The following ATP6V0A4 variants were observed in gnomAD, a reference collection of about 807,000 sequenced individuals.
ATP6V0A4 encodes the protein V-type proton ATPase 116 kDa subunit a 4.
A neutral mutation model predicts 107.3 loss-of-function variants in ATP6V0A4; 86 were observed. That is an observed-to-expected ratio of 0.80 (90% CI 0.67 to 0.96). ATP6V0A4 has a LOEUF of 0.96. ATP6V0A4 is among the 40% of genes least tolerant of loss of function. ATP6V0A4 has a pLI of 0.00. For synonymous variants in ATP6V0A4, 353 were observed against 381.4 expected (o/e 0.93, Z 0.87); for missense variants, 908 against 1,045.6 (o/e 0.87, Z 1.81).
Position 138,709,546 on chromosome 7 carries a change from T to C in ATP6V0A4, c.2429+78A>G, listed in dbSNP as rs557543992. On this transcript the variant is annotated intron_variant, in intron 21 of 21. Coordinates refer to ENST00000310018, the MANE Select transcript of ATP6V0A4 (RefSeq NM_020632.3). ...CTAAAGTCACATACAGCTCACGATC[T>C]GAACCCAGTCGGCTGGCCCCACAGC... The C allele has an allele frequency of 5.7e-6, 8 of 1,408,114 alleles. No individual in the cohort carries two copies. In the East Asian group the frequency reaches 1.6e-4, roughly 28 times the overall value. The allele number at this position is 1,408,114 out of a possible 1,614,324, so 87.2% of individuals were successfully genotyped here. A position where few individuals can be genotyped will look rare whatever the true frequency, so the allele number is the denominator to read the frequency against.
chr7:138,760,055 A>C, intron 7 of ATP6V0A4, 177 bp from the exon 8 acceptor site: 2 of 570,678 alleles, frequency 3.5e-6, no homozygotes, highest in Non-Finnish European at 4.4e-6. Context: ...TCCAGCCCTG[A>C]CTTGCCCCAA....
At chr7:138,730,801 TGGG>T (rs1804963857) in intron 17 of ATP6V0A4, among the ~76,000 whole-genome samples, 1 of 152,184 alleles carries the variant, frequency 6.6e-6, no homozygotes, top group African/African-American at 2.4e-5. Flanking sequence ...GTCAACATTC[TGGG>T]GATGGCTCAT....
chr7:138,711,558 C>T (rs3778702), intron 20 of ATP6V0A4, among the ~76,000 whole-genome samples: 18 of 152,152 alleles, frequency 1.2e-4, no homozygotes, highest in Admixed American at 9.2e-4. Context: ...ACATGATAAA[C>T]GCAGAGACAT....
chr7:138,716,572 T>C (rs1804045968), intron 19 of ATP6V0A4, among the ~76,000 whole-genome samples: 1 of 128,796 alleles, frequency 7.8e-6, no homozygotes, highest in Non-Finnish European at 1.7e-5. Context: ...GACAATTTTT[T>C]TTTGGGGGGG....
At chr7:138,751,983 A>C (rs1806251600) in intron 11 of ATP6V0A4, among the ~76,000 whole-genome samples, 1 of 152,138 alleles carries the variant, frequency 6.6e-6, no homozygotes, top group Non-Finnish European at 1.5e-5. Flanking sequence ...CCTGCACTCC[A>C]GCCTGGGTGT....
In ATP6V0A4 at chr7:138,798,100, C is replaced by T; in HGVS notation, c.-187G>A. ...CTGCACCGGGCACTCAGCACAGCCT[C>T]CAGCATGCAGCGCCTCCCCGCTGCC... is the stretch of plus-strand genomic sequence containing the variant. On this transcript the variant is annotated 5_prime_UTR_variant, in exon 1 of 22. Coordinates refer to ENST00000310018, the MANE Select transcript of ATP6V0A4 (RefSeq NM_020632.3). 6.3e-7 allele frequency: 1 copy of T among 1,595,232 alleles called. No individual in the cohort carries two copies. Among genetic ancestry groups the T allele is most frequent in the South Asian group, 1.1e-5 (1 of 87,674 alleles).
rs1018607392 is a variant in ATP6V0A4, at chr7:138,792,057, C to A, written c.-120-5797G>T. ...GGTGTGGTGGCTCACGCCTGTAATCCCAGCACTTTGGGAGGCCGAGGTGGG... is the reference window on the plus strand; with the variant it reads ...GGTGTGGTGGCTCACGCCTGTAATCACAGCACTTTGGGAGGCCGAGGTGGG... On this transcript the variant is annotated intron_variant, in intron 1 of 21. Coordinates refer to ENST00000310018, the MANE Select transcript of ATP6V0A4 (RefSeq NM_020632.3). 3.7e-4 allele frequency among the ~76,000 whole-genome samples: 57 copies of A among 152,218 alleles called. 1 individual carries two copies. Among genetic ancestry groups the A allele is most frequent in the African/African-American group, 1.2e-3 (51 of 41,520 alleles).
intron 11 of ATP6V0A4, among the ~76,000 whole-genome samples, chr7:138,750,197 A>G (rs999515610): frequency 6.6e-6 from 1 of 151,952 alleles, no homozygotes; most frequent in Non-Finnish European, 1.5e-5. Flanking sequence ...ACGCTTCCCC[A>G]TGGAAACTGG....
chr7:138,756,446 A>G lies in ATP6V0A4; in HGVS notation c.722+12T>C. Reference sequence around the variant, plus strand: ...CAAATCACTGAAGAAAGAGCCATTCACTCCCTCTTACCCATCACAGATCTT... The same window carrying G: ...CAAATCACTGAAGAAAGAGCCATTCGCTCCCTCTTACCCATCACAGATCTT... On this transcript the variant is annotated intron_variant, in intron 9 of 21. Coordinates refer to ENST00000310018, the MANE Select transcript of ATP6V0A4 (RefSeq NM_020632.3). 6.2e-7 allele frequency: 1 copy of G among 1,612,896 alleles called. No homozygotes were observed.
At chr7:138,711,602 T>A (rs1170859319) in intron 20 of ATP6V0A4, among the ~76,000 whole-genome samples, 1 of 152,228 alleles carries the variant, frequency 6.6e-6, no homozygotes, top group African/African-American at 2.4e-5. Context: ...ATTTGCTTGC[T>A]GCCCCCCAAG....
At position 138,798,115 on chromosome 7, in the gene ATP6V0A4, T is replaced by TC. The variant is rs1469751534; in HGVS notation, c.-203dup. The TC allele has an allele frequency of 1.3e-6, 2 of 1,598,730 alleles. No individual in the cohort carries two copies. The highest frequency in any genetic ancestry group is 2.3e-5 in the South Asian group (2 of 88,078). ...AGCACAGCCTCCAGCATGCAGCGCC[T>TC]CCCCGCTGCCACCCGGGCCACCCTG... On this transcript the variant is annotated 5_prime_UTR_variant, in exon 1 of 22. Coordinates refer to ENST00000310018, the MANE Select transcript of ATP6V0A4 (RefSeq NM_020632.3).
In ATP6V0A4 at chr7:138,721,923, C is replaced by T. The variant is rs376273720; in HGVS notation, c.2113G>A (p.Gly705Arg). 35 of 1,614,012 alleles carry T rather than the reference C, an allele frequency of 2.2e-5. No homozygotes were observed. The highest frequency in any genetic ancestry group is 8.8e-5 in the South Asian group (8 of 91,084). ...TCTTCTCCATGGTCGTCCAGAGCCCCGTGGGTATCTGCAGAAGTCCTCTGG... is the reference window on the plus strand; with the variant it reads ...TCTTCTCCATGGTCGTCCAGAGCCCTGTGGGTATCTGCAGAAGTCCTCTGG... ...SGQRTSADTH[G>R]ALDDHGEEFN... is the part of the protein sequence containing the mutation. The change falls in exon 19 of 22, where the codon GGG (glycine) becomes AGG (arginine). Residue 705 changes from glycine to arginine, a missense_variant. Physicochemically the swap from Gly to Arg is moderately radical, Grantham distance 125 (BLOSUM62 -2). Transcript: ENST00000310018.
Position 138,745,658 on chromosome 7 carries a change from C to CAAAAAAAAAAA in ATP6V0A4, c.1321-389_1321-379dup, listed in dbSNP as rs566336992. Among the ~76,000 whole-genome samples, 16 of 42,726 alleles carry CAAAAAAAAAAA rather than the reference C, an allele frequency of 3.7e-4. 1 individual carries two copies. Among genetic ancestry groups the CAAAAAAAAAAA allele is most frequent in the Admixed American group, 1.2e-3 (4 of 3,314 alleles). 28.0% of individuals were successfully genotyped at this position (42,726 alleles called of 152,430 possible). ...CACCACTGCGCTCCAGCCTGTGTCT[C>CAAAAAAAAAAA]AAAAAAAAAAAAAGGCCGGGTGTGA... On this transcript the variant is annotated intron_variant, in intron 13 of 21. Coordinates refer to ENST00000310018, the MANE Select transcript of ATP6V0A4 (RefSeq NM_020632.3).
intron 2 of ATP6V0A4, chr7:138,779,943 A>T (rs181933454): frequency 6.4e-4 from 97 of 152,292 alleles, no homozygotes; most frequent in African/African-American, 2.3e-3. Flanking sequence ...ATGTGGTTGT[A>T]TCCAGTATTT....
At chr7:138,725,800 A>C (rs1804681912) in intron 18 of ATP6V0A4, among the ~76,000 whole-genome samples, 1 of 152,128 alleles carries the variant, frequency 6.6e-6, no homozygotes, top group South Asian at 2.1e-4. Flanking sequence ...GGCATGAGCC[A>C]CTGTGCCCGG....
chr7:138,747,482 A>T lies in ATP6V0A4; in HGVS notation c.1263T>A (p.Ala421=). The change falls in exon 13 of 22, where the codon GCT becomes GCA. Residue 421 remains alanine (A), a synonymous_variant. Transcript: ENST00000310018. ...DCGHGTVMLL[A]ALWMILNERR... Reference sequence around the variant, plus strand: ...TCTCATTCAGAATCATCCAAAGTGCAGCCAGGAGCATCACGGTTCCATGAC... The same window carrying T: ...TCTCATTCAGAATCATCCAAAGTGCTGCCAGGAGCATCACGGTTCCATGAC... 1 of 1,614,154 alleles carries T rather than the reference A, an allele frequency of 6.2e-7. No homozygotes were observed. Among genetic ancestry groups the T allele is most frequent in the Non-Finnish European group, 8.5e-7 (1 of 1,180,026 alleles).
Position 138,749,236 on chromosome 7 carries a change from T to C in ATP6V0A4, c.1111A>G (p.Lys371Glu). The change falls in exon 12 of 22, where the codon AAA (lysine) becomes GAA (glutamate). Residue 371 changes from lysine (K) to glutamate (E), a missense_variant. Lys to Glu is a moderately conservative substitution (Grantham distance 56). Transcript: ENST00000310018. ...ATATTCTGGAAGCCAGCTGTGAATTTATTGGTCCTGTTAAATGTGGGAGGG... is the reference window on the plus strand; with the variant it reads ...ATATTCTGGAAGCCAGCTGTGAATTCATTGGTCCTGTTAAATGTGGGAGGG... ...TAPPTFNRTN[K>E]FTAGFQNIVD... 1.2e-6 allele frequency: 2 copies of C among 1,614,030 alleles called. No individual in the cohort carries two copies.
At chr7:138,762,246 C>T (rs527308739) in intron 7 of ATP6V0A4, 94 bp downstream of exon 7, 2 of 1,458,268 alleles carry the variant, frequency 1.4e-6, no homozygotes, top group African/African-American at 1.4e-5. Flanking sequence ...AAACAGTCCC[C>T]ATTCCAATGG....
intron 14 of ATP6V0A4, 172 bp from the exon 15 acceptor site, chr7:138,739,805 A>T (rs1253502607): frequency 1.4e-6 from 1 of 711,608 alleles, no homozygotes; most frequent in Admixed American, 6.3e-5. Flanking sequence ...CACTGAGGCT[A>T]CAATCTGAGT....
Sources: gnomAD v4.1 joint callset for allele counts (sites outside exome capture counted in the v4.1 genomes callset) on GRCh38, gnomAD v4.1.1 for gene constraint, MANE v1.5 for transcripts, NCBI Gene and HGNC (gene_info 2026-07-23, HGNC 2026-07-21) for gene names.